Variants in ABCA1 observed in about 807,000 individuals in gnomAD.
ABCA1 encodes the protein phospholipid-transporting ATPase ABCA1.
Under a neutral mutation model 262.5 loss-of-function variants are expected in ABCA1, and 133 were observed. The ratio of observed to expected loss-of-function variants is 0.51; its 90% CI spans 0.44 to 0.59. The LOEUF is 0.59. Among genes scored for constraint, ABCA1 ranks in the 20% least tolerant of loss-of-function variants. The probability of loss-of-function intolerance (pLI) is 0.00; values close to 1 mark genes in which losing one functional copy is unlikely to be tolerated. For synonymous variants in ABCA1, 1,022 were observed against 1,043.5 expected, an observed-to-expected ratio of 0.98 and a Z score of 0.40; for missense variants, 2,452 against 2,777.5, an observed-to-expected ratio of 0.88 and a Z score of 2.63.
chr9:104,860,284 G>A (rs929720078), intron 6 of ABCA1, among the ~76,000 whole-genome samples: 1 of 152,084 alleles, frequency 6.6e-6, no homozygotes, highest in Non-Finnish European at 1.5e-5. Context: ...ATTTTAAACT[G>A]ATTAGATGTG....
intron 2 of ABCA1, among the ~76,000 whole-genome samples, chr9:104,895,505 G>C (rs1361736373): frequency 1.3e-5 from 2 of 151,648 alleles, no homozygotes; most frequent in African/African-American, 4.8e-5. Flanking sequence ...TGGTGGAAGG[G>C]TGAGGGTGGG....
At position 104,819,679 on chromosome 9, in the gene ABCA1, C is replaced by T. The variant is rs1332373044; in HGVS notation, c.3148G>A (p.Gly1050Arg). 4 of 1,614,178 alleles carry T rather than the reference C, an allele frequency of 2.5e-6. No homozygotes were observed. The highest frequency in any genetic ancestry group is 3.4e-6 in the Non-Finnish European group (4 of 1,180,030). Residue 1050 changes from glycine to arginine, a missense_variant, in exon 22 of 50, where the codon GGA (glycine) becomes AGA (arginine). Physicochemically the swap from Gly to Arg is moderately radical, Grantham distance 125. Transcript: ENST00000374736. Reference protein sequence around the residue: ...KLSVALAFVGGSKVVILDEPT... With the variant: ...KLSVALAFVGRSKVVILDEPT... ...TCATCCAGAATGACAACCTTAGATC[C>T]CCCGACAAAGGCCAAGGCCACAGAT...
chr9:104,925,430 C>T (rs2472506), intron 1 of ABCA1, among the ~76,000 whole-genome samples: 27,976 of 150,500 alleles, frequency 0.19, 3,021 homozygotes, highest in South Asian at 0.34. Flanking sequence ...CGTAGAAATA[C>T]GAGGGTTGAG....
intron 6 of ABCA1, among the ~76,000 whole-genome samples, chr9:104,860,545 C>T (rs1836275475): frequency 1.3e-5 from 2 of 152,062 alleles, no homozygotes; most frequent in South Asian, 4.1e-4. Flanking sequence ...AGCTAGTATG[C>T]AGACACGAGA....
chr9:104,789,409 C>A (rs2091832427), intron 44 of ABCA1, among the ~76,000 whole-genome samples: 1 of 152,210 alleles, frequency 6.6e-6, no homozygotes, highest in Non-Finnish European at 1.5e-5. Flanking sequence ...AATGTCTGTT[C>A]TCTTAGGATT....
intron 9 of ABCA1, among the ~76,000 whole-genome samples, chr9:104,838,616 CAA>C (rs1191592377): frequency 1.5e-4 from 16 of 106,660 alleles, no homozygotes; most frequent in Admixed American, 3.0e-4. Flanking sequence ...GACTCCCTCT[CAA>C]AAAAAAAAAA....
rs41412244 is a variant in ABCA1 at position 104,806,521 on chromosome 9, C to T, written c.4275-91G>A. On this transcript the variant is annotated intron_variant, in intron 30 of 49. Transcript: ENST00000374736. ...GCACAGGATCATTCCGTAACAACCACAAACATGCATCTATTCCCTCACCAT... is the reference window on the plus strand; with the variant it reads ...GCACAGGATCATTCCGTAACAACCATAAACATGCATCTATTCCCTCACCAT... The T allele has an allele frequency of 2.2e-3, 2,795 of 1,262,430 alleles. 54 individuals are homozygous for T. The African/African-American group carries it at 0.038, about 17-fold the overall frequency. 78.2% of individuals were successfully genotyped at this position (1,262,430 alleles called of 1,614,324 possible).
At chr9:104,860,070 A>G (rs1836222588) in intron 6 of ABCA1, among the ~76,000 whole-genome samples, 2 of 152,042 alleles carry the variant, frequency 1.3e-5, no homozygotes, top group South Asian at 4.2e-4. Flanking sequence ...AAAAAAAAAA[A>G]AAGAATACTG....
At chr9:104,803,132 C>A in intron 33 of ABCA1, 152 bp downstream of exon 33, 1 of 877,178 alleles carries the variant, frequency 1.1e-6, no homozygotes, top group South Asian at 1.4e-5. Context: ...CCTGTGTGCT[C>A]CACATGTTCA....
chr9:104,824,689 T>G, intron 17 of ABCA1, 111 bp from the exon 18 acceptor site: 1 of 1,272,302 alleles, frequency 7.9e-7, no homozygotes, highest in South Asian at 1.3e-5. Flanking sequence ...AGGAACAGAT[T>G]TGAATGGATG....
intron 15 of ABCA1, among the ~76,000 whole-genome samples, chr9:104,827,398 G>C (rs2118992781): frequency 6.6e-6 from 1 of 152,302 alleles, no homozygotes; most frequent in South Asian, 2.1e-4. Context: ...GAATACAACA[G>C]AGTCCAGGGC....
At chr9:104,868,956 T>C (rs979855804) in intron 5 of ABCA1, among the ~76,000 whole-genome samples, 12 of 150,182 alleles carry the variant, frequency 8.0e-5, no homozygotes, top group Non-Finnish European at 1.3e-4. Context: ...TTCAGTTCTC[T>C]GAGCATAGAG....
chr9:104,863,648 T>C (rs971750525), intron 5 of ABCA1, among the ~76,000 whole-genome samples: 2 of 152,232 alleles, frequency 1.3e-5, no homozygotes, highest in Non-Finnish European at 2.9e-5. Context: ...TATTGAGTTA[T>C]ATAGACAGAA....
intron 5 of ABCA1, among the ~76,000 whole-genome samples, chr9:104,867,014 T>C (rs1223816017): frequency 1.3e-5 from 2 of 152,200 alleles, no homozygotes; most frequent in Non-Finnish European, 2.9e-5. Context: ...TGAATACAAA[T>C]GAGTGAATAA....
intron 5 of ABCA1, among the ~76,000 whole-genome samples, chr9:104,874,664 G>A (rs1421700818): frequency 6.6e-6 from 1 of 152,230 alleles, no homozygotes; most frequent in Non-Finnish European, 1.5e-5. Context: ...GCTGAGGCAG[G>A]TGGATCAACA....
chr9:104,877,196 C>T lies in ABCA1; in HGVS notation c.421+5843G>A, dbSNP rs114872389. 2.2e-3 allele frequency among the ~76,000 whole-genome samples: 333 copies of T among 152,276 alleles called. 2 individuals carry two copies. The highest frequency in any genetic ancestry group is 7.2e-3 in the African/African-American group (299 of 41,552). The stretch of plus-strand genomic sequence containing the variant: ...AAGAACTTCTGTCATCATTATTATT[C>T]GTAGGCTCTGTTGACCTGGGCTAAC... On this transcript the variant is annotated intron_variant, in intron 5 of 49. Transcript: ENST00000374736.
At chr9:104,904,639 G>A (rs1346049078) in intron 1 of ABCA1, among the ~76,000 whole-genome samples, 1 of 151,578 alleles carries the variant, frequency 6.6e-6, no homozygotes, top group Non-Finnish European at 1.5e-5. Context: ...TTAGATGAGT[G>A]TGAGTAAACA....
intron 7 of ABCA1, among the ~76,000 whole-genome samples, chr9:104,856,965 C>T (rs1835890125): frequency 6.6e-6 from 1 of 152,140 alleles, no homozygotes; most frequent in Non-Finnish European, 1.5e-5. Context: ...AGGCCAGTTA[C>T]TTAGGGTTGC....
chr9:104,847,058 C>G (rs1449181421), intron 7 of ABCA1, among the ~76,000 whole-genome samples: 1 of 152,078 alleles, frequency 6.6e-6, no homozygotes, highest in Non-Finnish European at 1.5e-5. Context: ...GTTAGGCCTA[C>G]AAGATGACAG....
Sources: allele counts gnomAD v4.1 joint callset (sites outside exome capture counted in the v4.1 genomes callset), GRCh38; gene constraint gnomAD v4.1.1; transcripts MANE v1.5; gene names NCBI Gene and HGNC (gene_info 2026-07-23, HGNC 2026-07-21).